Variants in ETV6 observed in about 807,000 individuals in gnomAD.
ETV6 encodes the protein ETS variant transcription factor 6, also known as transcription factor ETV6.
In ETV6, 16 loss-of-function variants were observed where a neutral mutation model predicts 51.1. The ratio of observed to expected loss-of-function variants is 0.31; its 90% CI spans 0.21 to 0.48. The LOEUF is 0.48. ETV6 is among the 20% of genes least tolerant of loss of function. ETV6 has a pLI of 0.99. For missense variants in ETV6, 458 were observed against 594.8 expected (o/e 0.77, Z 2.39); for synonymous variants, 240 against 224.1 (o/e 1.07, Z -0.64).
At chr12:11,738,322 TTTTTTTA>T (rs1309474588) in intron 1 of ETV6, among the ~76,000 whole-genome samples, 57 of 90,606 alleles carry the variant, frequency 6.3e-4, no homozygotes, top group Non-Finnish European at 1.1e-3. Flanking sequence ...TTTTTTTTTT[TTTTTTTA>T]AATTTGAGAC....
At chr12:11,783,676 G>T (rs1241444256) in intron 2 of ETV6, among the ~76,000 whole-genome samples, 3 of 152,122 alleles carry the variant, frequency 2.0e-5, no homozygotes, top group African/African-American at 7.2e-5. Context: ...AAAATAAGAG[G>T]CAAAGTAAAA....
intron 1 of ETV6, among the ~76,000 whole-genome samples, chr12:11,705,390 C>T (rs1865055386): frequency 6.6e-6 from 1 of 152,202 alleles, no homozygotes; most frequent in African/African-American, 2.4e-5. Flanking sequence ...TTTCAGGCAT[C>T]TGACTCCTTT....
intron 1 of ETV6, among the ~76,000 whole-genome samples, chr12:11,752,028 G>A (rs1866039873): frequency 6.6e-6 from 1 of 152,220 alleles, no homozygotes. Flanking sequence ...AGAAGCTGGG[G>A]ATATTGCTAC....
At chr12:11,856,279 G>A (rs562671534) in intron 4 of ETV6, among the ~76,000 whole-genome samples, 8 of 152,334 alleles carry the variant, frequency 5.3e-5, no homozygotes, top group Middle Eastern at 6.8e-3. Flanking sequence ...GATGTTGGTG[G>A]TTGTGAGCTC....
At chr12:11,890,840 A>G in intron 7 of ETV6, 101 bp from the exon 8 acceptor site, 1 of 895,420 alleles carries the variant, frequency 1.1e-6, no homozygotes, top group Non-Finnish European at 1.9e-6. Flanking sequence ...CTCCAGCTGT[A>G]TAAGATGATG....
Position 11,891,114 on chromosome 12 carries a change from G to C in ETV6, c.*68G>C. The stretch of plus-strand genomic sequence containing the variant: ...CCCCTGCCCACCAGGATTGCTGGAA[G>C]TGTGACGGAGCAGGCGGGCTGAGGA... On this transcript the variant is annotated 3_prime_UTR_variant, in exon 8 of 8. Transcript: ENST00000396373. The C allele has an allele frequency of 1.6e-6, 2 of 1,279,884 alleles. No homozygotes were observed. Among genetic ancestry groups the C allele is most frequent in the African/African-American group, 1.5e-5 (1 of 67,572 alleles). The allele number at this position is 1,279,884 out of a possible 1,614,324, so 79.3% of individuals were successfully genotyped here.
chr12:11,696,352 A>G (rs1331143111), intron 1 of ETV6, among the ~76,000 whole-genome samples: 1 of 152,244 alleles, frequency 6.6e-6, no homozygotes, highest in Non-Finnish European at 1.5e-5. Flanking sequence ...TCATTGTTAA[A>G]ACAATGAATA....
chr12:11,833,973 T>C (rs1357767122), intron 2 of ETV6, among the ~76,000 whole-genome samples: 1 of 152,206 alleles, frequency 6.6e-6, no homozygotes, highest in Admixed American at 6.5e-5. Flanking sequence ...TTGCTAGCTG[T>C]TACTATCAAT....
intron 3 of ETV6, among the ~76,000 whole-genome samples, chr12:11,848,940 A>C (rs949825601): frequency 6.6e-6 from 1 of 152,368 alleles, no homozygotes; most frequent in African/African-American, 2.4e-5. Flanking sequence ...AAGAGAGAGA[A>C]GATTTATTAA....
rs771811340 is a variant in ETV6 at position 11,869,560 on chromosome 12, C to T, written c.600C>T (p.Pro200=). The T allele has an allele frequency of 1.2e-6, 2 of 1,614,072 alleles. No individual in the cohort carries two copies. The highest frequency in any genetic ancestry group is 1.7e-6 in the Non-Finnish European group (2 of 1,180,034). ...HRPSPDPEQR[P]LRSPLDNMIR... ...CTTCTCCTGACCCCGAGCAGCGGCC[C>T]CTCCGGTCCCCCCTGGACAACATGA... The change falls in exon 5 of 8, where the codon CCC becomes CCT. Residue 200 remains proline (P), a synonymous_variant. Coordinates refer to ENST00000396373, the MANE Select transcript of ETV6 (RefSeq NM_001987.5). This position sits in a 1 kb window ranked among gnomAD's most constrained non-coding sequence, Gnocchi z 5.0.
intron 2 of ETV6, among the ~76,000 whole-genome samples, chr12:11,781,398 C>A (rs1455503134): frequency 6.6e-6 from 1 of 152,168 alleles, no homozygotes; most frequent in African/African-American, 2.4e-5. Context: ...CTCACTGTCA[C>A]TTTGCTCTTG....
intron 2 of ETV6, chr12:11,826,584 A>C (rs1422712314): frequency 6.6e-6 from 1 of 152,248 alleles, no homozygotes; most frequent in East Asian, 1.9e-4. Flanking sequence ...CATTCATCTG[A>C]CTACCCACCA....
intron 2 of ETV6, among the ~76,000 whole-genome samples, chr12:11,766,421 A>G (rs1945161436): frequency 6.6e-6 from 1 of 152,116 alleles, no homozygotes; most frequent in African/African-American, 2.4e-5. Flanking sequence ...AAGCCCTATT[A>G]TACTCCCTCA....
intron 2 of ETV6, among the ~76,000 whole-genome samples, chr12:11,762,691 C>T (rs992249612): frequency 1.3e-5 from 2 of 152,154 alleles, no homozygotes; most frequent in African/African-American, 4.8e-5. Flanking sequence ...TTATACCATC[C>T]CCTGGGCATG....
chr12:11,659,085 C>T (rs1273479891), intron 1 of ETV6, among the ~76,000 whole-genome samples: 1 of 152,208 alleles, frequency 6.6e-6, no homozygotes, highest in Non-Finnish European at 1.5e-5. Context: ...TTGCTGTGGG[C>T]TGGTGAATGT....
At chr12:11,841,725 G>T (rs1225241789) in intron 3 of ETV6, among the ~76,000 whole-genome samples, 1 of 152,154 alleles carries the variant, frequency 6.6e-6, no homozygotes, top group African/African-American at 2.4e-5. Context: ...CATAGACAAG[G>T]TAATGGAGCC....
chr12:11,813,676 C>G (rs757535770), intron 2 of ETV6, among the ~76,000 whole-genome samples: 6 of 143,264 alleles, frequency 4.2e-5, no homozygotes, highest in Non-Finnish European at 6.1e-5. Context: ...AACTATAAAT[C>G]CAGCCCAAAT....
chr12:11,871,187 G>A (rs1946875334), intron 5 of ETV6, among the ~76,000 whole-genome samples: 1 of 151,384 alleles, frequency 6.6e-6, no homozygotes, highest in African/African-American at 2.4e-5. Context: ...TCTGCCTTGA[G>A]GTACTGTCCC....
intron 2 of ETV6, among the ~76,000 whole-genome samples, chr12:11,761,841 G>A (rs890124592): frequency 7.2e-5 from 11 of 152,176 alleles, no homozygotes; most frequent in East Asian, 1.9e-4. Context: ...CTCAATCGTC[G>A]CATTGTTCTC....
Sources: allele counts gnomAD v4.1 joint callset (sites outside exome capture counted in the v4.1 genomes callset), GRCh38; gene constraint gnomAD v4.1.1; non-coding constraint Gnocchi (gnomAD v3.1); transcripts MANE v1.5; gene names NCBI Gene and HGNC (gene_info 2026-07-23, HGNC 2026-07-21).